The following GRM7 variants were observed in gnomAD, a reference collection of about 807,000 sequenced individuals.
GRM7 encodes metabotropic glutamate receptor 7.
Under a neutral mutation model 84.5 loss-of-function variants are expected in GRM7, and 35 were observed. That is an observed-to-expected ratio of 0.41 (90% CI 0.32 to 0.55). GRM7 has a LOEUF of 0.55. Among genes scored for constraint, GRM7 ranks in the 20% least tolerant of loss-of-function variants. The pLI is 0.19. For missense variants in GRM7, 1,003 were observed against 1,194.6 expected (o/e 0.84, Z 2.36); for synonymous variants, 487 against 455.1 (o/e 1.07, Z -0.89).
chr3:7,127,585 A>AT (rs978280043), intron 1 of GRM7, among the ~76,000 whole-genome samples: 13 of 152,092 alleles, frequency 8.5e-5, no homozygotes, highest in Non-Finnish European at 1.6e-4. Context: ...TTTTGGTTTT[A>AT]TTTTTTCTCT....
chr3:7,320,128 T>C (rs995206632), intron 4 of GRM7, among the ~76,000 whole-genome samples: 6 of 152,004 alleles, frequency 3.9e-5, no homozygotes, highest in Non-Finnish European at 1.5e-5. Context: ...GAATTATGTA[T>C]GCATGGAAAT....
intron 2 of GRM7, among the ~76,000 whole-genome samples, chr3:7,231,372 T>C (rs1289068931): frequency 1.3e-5 from 2 of 152,186 alleles, no homozygotes; most frequent in African/African-American, 4.8e-5. Flanking sequence ...TTAATCAAAT[T>C]GGCCATCTCC....
intron 1 of GRM7, among the ~76,000 whole-genome samples, chr3:6,971,948 TTAA>T (rs1460972209): frequency 3.3e-5 from 5 of 152,214 alleles, no homozygotes; most frequent in Admixed American, 1.3e-4. Context: ...AAAGAAATGA[TTAA>T]TAATAGCATT....
chr3:7,232,536 T>G (rs947060788), intron 2 of GRM7, among the ~76,000 whole-genome samples: 1 of 152,158 alleles, frequency 6.6e-6, no homozygotes, highest in African/African-American at 2.4e-5. Context: ...GGGAAAACTG[T>G]TTCTTAAGAT....
intron 2 of GRM7, among the ~76,000 whole-genome samples, chr3:7,157,344 C>T (rs1035152136): frequency 4.6e-5 from 7 of 152,080 alleles, no homozygotes; most frequent in Non-Finnish European, 8.8e-5. Context: ...AAATGATAAA[C>T]ACACAGGATG....
intron 2 of GRM7, among the ~76,000 whole-genome samples, chr3:7,243,084 T>C (rs985857832): frequency 2.0e-5 from 3 of 152,104 alleles, no homozygotes; most frequent in African/African-American, 7.2e-5. Context: ...GTGATGATCA[T>C]TCTAAGACAC....
intron 4 of GRM7, among the ~76,000 whole-genome samples, chr3:7,323,099 T>C (rs1436092864): frequency 1.3e-5 from 2 of 152,022 alleles, no homozygotes; most frequent in African/African-American, 2.4e-5. Context: ...TACAAGAGAA[T>C]TGGTCACTGA....
chr3:7,415,254 A>G lies in GRM7; in HGVS notation c.1174+91A>G, dbSNP rs796443979. 42 of 1,093,404 alleles carry G rather than the reference A, an allele frequency of 3.8e-5. 1 individual carries two copies. In the South Asian group the frequency reaches 5.6e-4, roughly 15 times the overall value. The allele number at this position is 1,093,404 out of a possible 1,614,324, so 67.7% of individuals were successfully genotyped here. A position where few individuals can be genotyped will look rare whatever the true frequency, so the allele number is the denominator to read the frequency against. Reference sequence around the variant, plus strand: ...CTGACAGAAGGAAGCTTGGCTGGAGACAAATTGAAAAAGTAAATTAAATTT... The same window carrying G: ...CTGACAGAAGGAAGCTTGGCTGGAGGCAAATTGAAAAAGTAAATTAAATTT... On this transcript the variant is annotated intron_variant, in intron 5 of 9. Transcript: ENST00000357716.
chr3:7,657,151 T>C (rs1012329250), intron 8 of GRM7, among the ~76,000 whole-genome samples: 5 of 152,228 alleles, frequency 3.3e-5, no homozygotes, highest in African/African-American at 1.2e-4. Flanking sequence ...TGAGTATTGT[T>C]GCAGAACCCA....
chr3:7,101,798 A>G (rs997349420), intron 1 of GRM7, among the ~76,000 whole-genome samples: 2 of 147,706 alleles, frequency 1.4e-5, no homozygotes, highest in Non-Finnish European at 3.0e-5. Flanking sequence ...ATAAAACTTT[A>G]TATATAAATA....
chr3:7,259,969 G>GTTTTTTTT (rs1698357109), intron 2 of GRM7, among the ~76,000 whole-genome samples: 3 of 9,116 alleles, frequency 3.3e-4, no homozygotes, highest in African/African-American at 1.0e-3. Flanking sequence ...TTTTTTTGAC[G>GTTTTTTTT]TTTTAATAAT....
At chr3:7,332,855 CTGGA>C (rs138427850) in intron 4 of GRM7, among the ~76,000 whole-genome samples, 6,002 of 152,186 alleles carry the variant, frequency 0.039, 247 homozygotes, top group African/African-American at 0.11. Context: ...CCTGCCCCTA[CTGGA>C]TGGATGGTTT....
chr3:7,625,412 A>T (rs932005383), intron 8 of GRM7, among the ~76,000 whole-genome samples: 3 of 152,120 alleles, frequency 2.0e-5, no homozygotes, highest in Non-Finnish European at 4.4e-5. Context: ...TTAATGAAAA[A>T]ATTTTACAAG....
intron 4 of GRM7, among the ~76,000 whole-genome samples, chr3:7,322,927 C>G (rs1017219498): frequency 1.3e-5 from 2 of 152,052 alleles, no homozygotes; most frequent in Non-Finnish European, 2.9e-5. Context: ...GCATCAGTGT[C>G]TCTGATTGAC....
At chr3:7,352,642 G>A (rs1167230907) in intron 4 of GRM7, among the ~76,000 whole-genome samples, 1 of 152,068 alleles carries the variant, frequency 6.6e-6, no homozygotes, top group East Asian at 1.9e-4. Context: ...GGAAAGAATG[G>A]ACTCTTGCAA....
At chr3:7,346,174 G>A (rs1290852130) in intron 4 of GRM7, among the ~76,000 whole-genome samples, 2 of 151,980 alleles carry the variant, frequency 1.3e-5, no homozygotes, top group African/African-American at 2.4e-5. Flanking sequence ...CATTATTCAT[G>A]GGCACTTGTC....
intron 7 of GRM7, among the ~76,000 whole-genome samples, chr3:7,478,369 C>T (rs978064226): frequency 1.3e-5 from 2 of 152,104 alleles, no homozygotes; most frequent in African/African-American, 2.4e-5. Flanking sequence ...GGTAATTGCT[C>T]ATGCCATTAA....
chr3:7,415,101 A>G lies in GRM7; in HGVS notation c.1112A>G (p.Asn371Ser), dbSNP rs774628615. ...NVWFAEYWEENFNCKLTISGS... is the reference protein window; with the variant it reads ...NVWFAEYWEESFNCKLTISGS... The stretch of plus-strand genomic sequence containing the variant: ...TGGTTTGCCGAATACTGGGAGGAAA[A>G]CTTCAACTGCAAGTTGACGATTAGT... Residue 371 changes from asparagine (N) to serine (S), a missense_variant, in exon 5 of 10, where the codon AAC (asparagine) becomes AGC (serine). By Grantham distance (46) the Asn-to-Ser change is conservative. Around this residue, in one of 2 missense-constraint regions of GRM7, gnomAD observed 910 missense variants for 1,126.0 expected, o/e 0.81. Coordinates refer to ENST00000357716, the MANE Select transcript of GRM7 (RefSeq NM_000844.4). The G allele has an allele frequency of 6.2e-7, 1 of 1,612,606 alleles. No homozygotes were observed. Among genetic ancestry groups the G allele is most frequent in the Non-Finnish European group, 8.5e-7 (1 of 1,178,740 alleles).
intron 1 of GRM7, among the ~76,000 whole-genome samples, chr3:7,040,334 G>A (rs1252943556): frequency 1.3e-5 from 2 of 151,026 alleles, no homozygotes; most frequent in South Asian, 2.1e-4. Context: ...ATGGAGTCTC[G>A]CTCTGTCGCC....
Sources: allele counts gnomAD v4.1 joint callset (sites outside exome capture counted in the v4.1 genomes callset), GRCh38; gene constraint gnomAD v4.1.1; regional missense constraint gnomAD v4.1.1; transcripts MANE v1.5; gene names NCBI Gene and HGNC (gene_info 2026-07-23, HGNC 2026-07-21).